IRF4: variants seen among roughly 807,000 people sequenced by gnomAD.
IRF4 encodes lymphocyte-specific interferon regulatory factor.
A neutral mutation model predicts 55.5 loss-of-function variants in IRF4; 13 were observed. The observed-to-expected ratio is 0.23, with a 90% CI of 0.15 to 0.37. The LOEUF (loss-of-function observed/expected upper bound fraction) is 0.37. IRF4 is among the 10% of genes least tolerant of loss of function. The pLI is 1.00. For synonymous variants in IRF4, 249 were observed against 240.7 expected, an observed-to-expected ratio of 1.03 and a Z score of -0.32; for missense variants, 397 against 593.8, an observed-to-expected ratio of 0.67 and a Z score of 3.44.
At chr6:398,162 T>C (rs1761315024) in intron 5 of IRF4, among the ~76,000 whole-genome samples, 6 of 152,226 alleles carry the variant, frequency 3.9e-5, no homozygotes. Flanking sequence ...AACATAAAAC[T>C]AGCTCCTGAA....
intron 8 of IRF4, 24 bp downstream of exon 8, chr6:405,154 C>T (rs1033533102): frequency 1.6e-6 from 2 of 1,253,642 alleles, no homozygotes; most frequent in Non-Finnish European, 2.3e-6. Context: ...TACACTCCTA[C>T]CATAGTGGCT....
Position 405,129 on chromosome 6 carries a change from A to G in IRF4, c.1211A>G (p.His404Arg). The G allele has an allele frequency of 6.5e-7, 1 of 1,545,430 alleles. No homozygotes were observed. The highest frequency in any genetic ancestry group is 8.9e-7 in the Non-Finnish European group (1 of 1,117,526). Residue 404 changes from histidine to arginine, a missense_variant and splice_region_variant, in exon 8 of 9, where the codon CAC (histidine) becomes CGC (arginine). Physicochemically the swap from His to Arg is conservative, Grantham distance 29 (BLOSUM62 0). Coordinates refer to ENST00000380956, the MANE Select transcript of IRF4 (RefSeq NM_002460.4). ...AGGCAAAGAAAGCTCATCACAGCTC[A>G]CGTGAGTCCTCAGTTACACTCCTAC... is the stretch of plus-strand genomic sequence containing the variant. ...PQRQRKLITAHVEPLLARQLY... is the reference protein window; with the variant it reads ...PQRQRKLITARVEPLLARQLY...
rs1252767524 is a variant in IRF4 at position 408,199 on chromosome 6, G to GT, written c.*602dup. The GT allele has an allele frequency of 4.3e-6, 1 of 233,302 alleles. No homozygotes were observed. Among genetic ancestry groups the GT allele is most frequent in the African/African-American group, 2.2e-5 (1 of 45,326 alleles). 14.5% of individuals were successfully genotyped at this position (233,302 alleles called of 1,614,324 possible). A position where few individuals can be genotyped will look rare whatever the true frequency, so the allele number is the denominator to read the frequency against. The stretch of plus-strand genomic sequence containing the variant: ...TATGTCTGTGCCATTTCTCAGGGAA[G>GT]TAAGATGTAAATTGAAGAAGCCTCA... On this transcript the variant is annotated 3_prime_UTR_variant, in exon 9 of 9. Coordinates refer to ENST00000380956, the MANE Select transcript of IRF4 (RefSeq NM_002460.4).
intron 6 of IRF4, among the ~76,000 whole-genome samples, chr6:401,018 A>T (rs542149088): frequency 3.3e-5 from 5 of 152,188 alleles, no homozygotes; most frequent in African/African-American, 1.2e-4. Flanking sequence ...CATCACCACT[A>T]TCATCATCAT....
At chr6:400,859 C>T (rs944221386) in intron 6 of IRF4, among the ~76,000 whole-genome samples, 2 of 151,964 alleles carry the variant, frequency 1.3e-5, no homozygotes, top group African/African-American at 2.4e-5. Context: ...ATTTTGGGGA[C>T]GTTTCAGGTA....
At chr6:395,423 A>C (rs1761227408) in intron 3 of IRF4, among the ~76,000 whole-genome samples, 1 of 152,264 alleles carries the variant, frequency 6.6e-6, no homozygotes, top group Non-Finnish European at 1.5e-5. Context: ...GTCAACTTTT[A>C]AAGTGTAACA....
intron 7 of IRF4, among the ~76,000 whole-genome samples, chr6:403,661 C>T (rs1467285264): frequency 6.6e-6 from 1 of 152,224 alleles, no homozygotes; most frequent in African/African-American, 2.4e-5. Context: ...TTCATTCCTT[C>T]CTCTGTAACC....
chr6:404,918 C>T, intron 7 of IRF4, 100 bp from the exon 8 acceptor site: 1 of 727,932 alleles, frequency 1.4e-6, no homozygotes, highest in Non-Finnish European at 2.4e-6. Flanking sequence ...ATTCCTCTTG[C>T]AGTGTTCAGA....
In IRF4 at chr6:410,996, GT is replaced by G. The variant is rs3842113; in HGVS notation, c.*3407del. On this transcript the variant is annotated 3_prime_UTR_variant, in exon 9 of 9. Transcript: ENST00000380956. ...TGTTACAGGAATGAAGTAAAGGTCA[GT>G]TTTTTTTTGTATTGATTTTCACAGC... 0.79 allele frequency: 182,626 copies of G among 230,322 alleles called. 72,689 individuals carry two copies. Among genetic ancestry groups the G allele is most frequent in the East Asian group, 0.87 (14,261 of 16,384 alleles). The allele number at this position is 230,322 out of a possible 1,614,324, so 14.3% of individuals were successfully genotyped here. A position where few individuals can be genotyped will look rare whatever the true frequency, so the allele number is the denominator to read the frequency against.
rs780902340 is a variant in IRF4 at position 401,621 on chromosome 6, G to T, written c.943G>T (p.Val315Leu). 2 of 1,614,166 alleles carry T rather than the reference G, an allele frequency of 1.2e-6. No homozygotes were observed. Among genetic ancestry groups the T allele is most frequent in the Non-Finnish European group, 1.7e-6 (2 of 1,180,028 alleles). ...EKLLSHLERGVVLWMAPDGLY... is the reference protein window; with the variant it reads ...EKLLSHLERGLVLWMAPDGLY... ...GCTGCTGAGCCACCTGGAGAGGGGC[G>T]TGGTCCTCTGGATGGCCCCCGACGG... Residue 315 changes from valine (V) to leucine (L), a missense_variant, in exon 7 of 9, where the codon GTG becomes TTG. This residue lies in a region of IRF4 where 341 missense variants were observed against 548.1 expected (regional missense o/e 0.62). Transcript: ENST00000380956.
intron 1 of IRF4, among the ~76,000 whole-genome samples, chr6:392,088 G>A (rs1215515868): frequency 1.3e-5 from 2 of 152,338 alleles, no homozygotes; most frequent in African/African-American, 2.4e-5. Flanking sequence ...GACGGGATGA[G>A]CTAACCGGAC....
chr6:408,994 G>A lies in IRF4; in HGVS notation c.*1396G>A, dbSNP rs74389255. The A allele has an allele frequency of 7.5e-3, 1,684 of 225,244 alleles. 31 individuals are homozygous for A. Among genetic ancestry groups the A allele is most frequent in the African/African-American group, 0.034 (1,516 of 44,952 alleles). 14.0% of individuals were successfully genotyped at this position (225,244 alleles called of 1,614,324 possible). ...CTATCACTTACATTTTTGTGGTTTT[G>A]AGAAAGTACAGCAGTAGACTGGGGC... On this transcript the variant is annotated 3_prime_UTR_variant, in exon 9 of 9. Coordinates refer to ENST00000380956, the MANE Select transcript of IRF4 (RefSeq NM_002460.4).
In IRF4 at chr6:393,678, C is replaced by T. The variant is rs907397689; in HGVS notation, c.216+310C>T. On this transcript the variant is annotated intron_variant, in intron 2 of 8. Coordinates refer to ENST00000380956, the MANE Select transcript of IRF4 (RefSeq NM_002460.4). This position sits in a 1 kb window ranked among gnomAD's most constrained non-coding sequence, Gnocchi z 5.4. Reference sequence around the variant, plus strand: ...GGTTTTGCGCGTTCGTCCGTGCGTTCTCGTTTCCACGCAAGCCTCCCGCCC... The same window carrying T: ...GGTTTTGCGCGTTCGTCCGTGCGTTTTCGTTTCCACGCAAGCCTCCCGCCC... Among the ~76,000 whole-genome samples the T allele has an allele frequency of 6.6e-6, 1 of 151,894 alleles. No homozygotes were observed.
intron 5 of IRF4, among the ~76,000 whole-genome samples, chr6:398,256 G>C (rs1348117160): frequency 2.0e-5 from 3 of 152,162 alleles, no homozygotes. Flanking sequence ...GTAAAGTGAT[G>C]GAGTAGGTAG....
At chr6:401,329 A>G (rs754026668) in intron 6 of IRF4, 95 bp from the exon 7 acceptor site, 15 of 912,618 alleles carry the variant, frequency 1.6e-5, no homozygotes, top group African/African-American at 3.3e-5. Flanking sequence ...GTGGGACACT[A>G]GAGTTCCACC....
At position 394,993 on chromosome 6, in the gene IRF4, A is replaced by G; in HGVS notation, c.389A>G (p.Glu130Gly). The G allele has an allele frequency of 6.3e-7, 1 of 1,599,142 alleles. No individual in the cohort carries two copies. The highest frequency in any genetic ancestry group is 8.5e-7 in the Non-Finnish European group (1 of 1,173,032). Residue 130 changes from glutamate to glycine, a missense_variant, in exon 3 of 9, where the codon GAG becomes GGG. Glu to Gly is a moderately conservative substitution (Grantham distance 98, BLOSUM62 -2). Around this residue, in one of 3 missense-constraint regions of IRF4, gnomAD observed 341 missense variants for 548.1 expected, o/e 0.62. Transcript: ENST00000380956. Reference sequence around the variant, plus strand: ...TACAAAGTGTACAGGATTGTTCCTGAGGGAGCCAAAAAAGGTAGGGGCTCT... The same window carrying G: ...TACAAAGTGTACAGGATTGTTCCTGGGGGAGCCAAAAAAGGTAGGGGCTCT... Reference protein sequence around the residue: ...DPYKVYRIVPEGAKKGAKQLT... With the variant: ...DPYKVYRIVPGGAKKGAKQLT...
chr6:394,111 G>A (rs1446444120), intron 2 of IRF4, among the ~76,000 whole-genome samples: 2 of 152,140 alleles, frequency 1.3e-5, no homozygotes, highest in Non-Finnish European at 2.9e-5. Flanking sequence ...GCAGAGCAGG[G>A]GAAGGGGACT....
intron 1 of IRF4, 59 bp downstream of exon 1, chr6:391,868 A>G (rs992677548): frequency 4.4e-6 from 2 of 453,742 alleles, no homozygotes; most frequent in Non-Finnish European, 8.8e-6. Context: ...GAGGACCCGG[A>G]GCGCGAACCA....
Position 410,670 on chromosome 6 carries a change from T to C in IRF4, c.*3072T>C. ...GATGCTCCGCCAGGAAGGCCACTTG[T>C]GTGTGCGTGTCAGTTACTTTTTTAG... On this transcript the variant is annotated 3_prime_UTR_variant, in exon 9 of 9. Transcript: ENST00000380956. 4.3e-6 allele frequency: 1 copy of C among 231,880 alleles called. No homozygotes were observed. Among genetic ancestry groups the C allele is most frequent in the Non-Finnish European group, 8.5e-6 (1 of 117,096 alleles). 14.4% of individuals were successfully genotyped at this position (231,880 alleles called of 1,614,324 possible).
Sources: allele counts gnomAD v4.1 joint callset (sites outside exome capture counted in the v4.1 genomes callset), GRCh38; gene constraint gnomAD v4.1.1; regional missense constraint gnomAD v4.1.1; non-coding constraint Gnocchi (gnomAD v3.1); transcripts MANE v1.5; gene names NCBI Gene and HGNC (gene_info 2026-07-23, HGNC 2026-07-21).